DLG1: variants seen among roughly 807,000 people sequenced by gnomAD.
DLG1 encodes the protein discs large MAGUK scaffold protein 1, also known as disks large homolog 1.
Under a neutral mutation model 123.4 loss-of-function variants are expected in DLG1, and 42 were observed. The ratio of observed to expected loss-of-function variants is 0.34; its 90% CI spans 0.27 to 0.44. DLG1 has a LOEUF of 0.44. Ranked by LOEUF, DLG1 falls within the 20% of genes least tolerant of loss-of-function variation. DLG1 has a pLI of 1.00. For missense variants in DLG1, 942 were observed against 1,082.6 expected, an observed-to-expected ratio of 0.87 and a Z score of 1.82; for synonymous variants, 317 against 356.2, an observed-to-expected ratio of 0.89 and a Z score of 1.24.
At chr3:197,295,218 G>A (rs1776840061) in intron 3 of DLG1, among the ~76,000 whole-genome samples, 1 of 152,062 alleles carries the variant, frequency 6.6e-6, no homozygotes, top group Non-Finnish European at 1.5e-5. Flanking sequence ...CTATTAAAAT[G>A]TTACATTTTT....
Position 197,140,240 on chromosome 3 carries a change from T to C in DLG1, c.613A>G (p.Ile205Val), listed in dbSNP as rs1007791071. The change falls in exon 8 of 25, where the codon ATT (isoleucine) becomes GTT (valine). Residue 205 changes from isoleucine (I) to valine (V), a missense_variant. Physicochemically the swap from Ile to Val is conservative, Grantham distance 29. Transcript: ENST00000667157. ...TGTGGGTTGTCCGTACCTCCTGCAA[T>C]GCTGAAACCAAGCCCTGAATTTCCC... ...ERGNSGLGFS[I>V]AGGTDNPHIG... 13 of 1,613,270 alleles carry C rather than the reference T, an allele frequency of 8.1e-6. No individual in the cohort carries two copies. Among genetic ancestry groups the C allele is most frequent in the Non-Finnish European group, 1.0e-5 (12 of 1,179,638 alleles).
chr3:197,051,250 G>T (rs1444254906), intron 24 of DLG1, among the ~76,000 whole-genome samples: 1 of 152,092 alleles, frequency 6.6e-6, no homozygotes, highest in Non-Finnish European at 1.5e-5. Context: ...GCAGGTGCCT[G>T]TAATCCCAGC....
At chr3:197,099,797 T>C (rs1410406137) in intron 14 of DLG1, among the ~76,000 whole-genome samples, 2 of 152,142 alleles carry the variant, frequency 1.3e-5, no homozygotes, top group African/African-American at 4.8e-5. Context: ...AGAGAAACAA[T>C]TCTCAGAGGA....
intron 22 of DLG1, among the ~76,000 whole-genome samples, chr3:197,062,198 T>C (rs750399783): frequency 2.6e-4 from 39 of 152,214 alleles, no homozygotes; most frequent in Non-Finnish European, 4.9e-4. Flanking sequence ...CATCATACCT[T>C]AGCCCAGATT....
At position 197,297,172 on chromosome 3, in the gene DLG1, G is replaced by A. The variant is rs995687109; in HGVS notation, c.19+14C>T. 6.2e-6 allele frequency: 10 copies of A among 1,613,828 alleles called. No individual in the cohort carries two copies. The highest frequency in any genetic ancestry group is 6.8e-6 in the Non-Finnish European group (8 of 1,179,872). On this transcript the variant is annotated intron_variant, in intron 2 of 24. Coordinates refer to ENST00000667157, the MANE Select transcript of DLG1 (RefSeq NM_001366207.1). ...AAGTGACATCGACAACAGAGTTACG[G>A]AATAAACTCTCACCTTGCTTCCGGA...
At chr3:197,108,606 A>G (rs1215407831) in intron 13 of DLG1, among the ~76,000 whole-genome samples, 3 of 145,540 alleles carry the variant, frequency 2.1e-5, no homozygotes, top group African/African-American at 7.6e-5. Flanking sequence ...ATGATATACT[A>G]TAAATGTCTT....
intron 5 of DLG1, among the ~76,000 whole-genome samples, chr3:197,182,470 C>G (rs1328931068): frequency 6.6e-6 from 1 of 151,688 alleles, no homozygotes; most frequent in East Asian, 1.9e-4. Context: ...TAAATCAACA[C>G]CATTAAAAGA....
At chr3:197,157,541 A>G (rs1796912114) in intron 5 of DLG1, among the ~76,000 whole-genome samples, 1 of 152,214 alleles carries the variant, frequency 6.6e-6, no homozygotes, top group South Asian at 2.1e-4. Flanking sequence ...GAAAGAAATT[A>G]AGAAGACATA....
intron 4 of DLG1, among the ~76,000 whole-genome samples, chr3:197,264,937 A>T (rs1211499897): frequency 2.0e-5 from 3 of 152,080 alleles, no homozygotes; most frequent in Non-Finnish European, 2.9e-5. Flanking sequence ...GATGTAACTA[A>T]CCCCTTACTA....
intron 4 of DLG1, among the ~76,000 whole-genome samples, chr3:197,199,716 C>T (rs9325382): frequency 0.14 from 21,961 of 151,978 alleles, 2,276 homozygotes; most frequent in African/African-American, 0.29. Flanking sequence ...TTCTTGTTAT[C>T]TAAAGGTTTA....
intron 24 of DLG1, 102 bp downstream of exon 24, chr3:197,051,475 G>GC: frequency 1.2e-6 from 1 of 850,210 alleles, no homozygotes; most frequent in South Asian, 1.5e-5. Context: ...AGTTACTACG[G>GC]GTAGATGTAG....
intron 14 of DLG1, among the ~76,000 whole-genome samples, chr3:197,092,973 C>T (rs1758562159): frequency 6.6e-6 from 1 of 152,152 alleles, no homozygotes; most frequent in Non-Finnish European, 1.5e-5. Context: ...CTATAAAACA[C>T]AGGTATTTAA....
chr3:197,149,132 C>T (rs1792626708), intron 6 of DLG1, among the ~76,000 whole-genome samples: 1 of 152,048 alleles, frequency 6.6e-6, no homozygotes, highest in Non-Finnish European at 1.5e-5. Flanking sequence ...AGAGTTGTGC[C>T]ATCATCATTA....
At chr3:197,276,851 C>T (rs1766666683) in intron 4 of DLG1, among the ~76,000 whole-genome samples, 1 of 151,878 alleles carries the variant, frequency 6.6e-6, no homozygotes, top group South Asian at 2.1e-4. Flanking sequence ...GAAAAGCCTT[C>T]CTTATTAAAA....
chr3:197,258,970 T>A (rs927615479), intron 4 of DLG1, among the ~76,000 whole-genome samples: 2 of 152,152 alleles, frequency 1.3e-5, no homozygotes, highest in South Asian at 2.1e-4. Context: ...TCTAATTTTT[T>A]AAGCAAAATA....
chr3:197,176,200 A>AT (rs1023867509), intron 5 of DLG1, among the ~76,000 whole-genome samples: 2 of 152,136 alleles, frequency 1.3e-5, no homozygotes, highest in African/African-American at 2.4e-5. Flanking sequence ...GACTTTATAT[A>AT]TTTTTTTAGA....
chr3:197,064,150 C>T (rs554243020), intron 22 of DLG1, among the ~76,000 whole-genome samples: 53 of 150,882 alleles, frequency 3.5e-4, no homozygotes, highest in Non-Finnish European at 6.3e-4. Context: ...GAACTCCTGA[C>T]CTCAGGTGAT....
chr3:197,297,324 T>A (rs1354142922), intron 1 of DLG1, 89 bp from the exon 2 acceptor site: 13 of 1,537,026 alleles, frequency 8.5e-6, no homozygotes, highest in Non-Finnish European at 1.1e-5. Flanking sequence ...TCGCAGCCTA[T>A]TTGAAAACCC....
In DLG1 at chr3:197,060,018, G is replaced by T. The variant is rs762694085; in HGVS notation, c.2374-20C>A. 36 of 1,570,206 alleles carry T rather than the reference G, an allele frequency of 2.3e-5. No individual in the cohort carries two copies. In the African/African-American group the frequency reaches 4.4e-4, roughly 19 times the overall value. Reference sequence around the variant, plus strand: ...TTTGCCCTAAAATAAAGGGAACAAAGAAAAAAAACAAGTGAGCCAAATATT... The same window carrying T: ...TTTGCCCTAAAATAAAGGGAACAAATAAAAAAAACAAGTGAGCCAAATATT... On this transcript the variant is annotated intron_variant, in intron 22 of 24. Coordinates refer to ENST00000667157, the MANE Select transcript of DLG1 (RefSeq NM_001366207.1).
Sources: allele counts gnomAD v4.1 joint callset (sites outside exome capture counted in the v4.1 genomes callset), GRCh38; gene constraint gnomAD v4.1.1; transcripts MANE v1.5; gene names NCBI Gene and HGNC (gene_info 2026-07-23, HGNC 2026-07-21).